SDAD1: variants seen among roughly 807,000 people sequenced by gnomAD.
SDAD1 encodes SDA1 domain containing 1, also known as protein SDA1 homolog.
In SDAD1, 79 loss-of-function variants were observed where a neutral mutation model predicts 100.3. The observed-to-expected ratio is 0.79, with a 90% CI of 0.66 to 0.95. The LOEUF (loss-of-function observed/expected upper bound fraction) is 0.95, where lower values mean the gene tolerates loss of function less well. Ranked by LOEUF, SDAD1 falls within the 40% of genes least tolerant of loss-of-function variation. The pLI is 0.00. For missense variants in SDAD1, 790 were observed against 810.9 expected (o/e 0.97, Z 0.31); for synonymous variants, 267 against 271.4 (o/e 0.98, Z 0.16).
intron 10 of SDAD1, 72 bp from the exon 11 acceptor site, chr4:75,969,471 G>C: frequency 4.1e-6 from 4 of 985,648 alleles, no homozygotes; most frequent in Non-Finnish European, 6.4e-6. Context: ...ACAGGCGTAG[G>C]AAAAGACAAT....
At chr4:75,971,320 A>C (rs995363822) in intron 9 of SDAD1, 37 bp downstream of exon 9, 10 of 1,370,462 alleles carry the variant, frequency 7.3e-6, no homozygotes, top group African/African-American at 1.4e-5. Flanking sequence ...TCTTCACTCT[A>C]ATCACTCCTA....
At chr4:75,965,294 G>A (rs1729474003) in intron 13 of SDAD1, among the ~76,000 whole-genome samples, 1 of 152,154 alleles carries the variant, frequency 6.6e-6, no homozygotes, top group Admixed American at 6.5e-5. Flanking sequence ...AATAAATTTT[G>A]GTCAGACTGG....
At position 75,951,264 on chromosome 4, in the gene SDAD1, T is replaced by C. The variant is rs551120446; in HGVS notation, c.2017-467A>G. Reference sequence around the variant, plus strand: ...GCATGTATGGATCACTCAAAGATTTTATAATGGCATTCAGCACTTGTGTAG... The same window carrying C: ...GCATGTATGGATCACTCAAAGATTTCATAATGGCATTCAGCACTTGTGTAG... On this transcript the variant is annotated intron_variant, in intron 21 of 21. Transcript: ENST00000356260. Among the ~76,000 whole-genome samples the C allele has an allele frequency of 3.9e-3, 599 of 152,336 alleles. 6 individuals are homozygous for C. Among genetic ancestry groups the C allele is most frequent in the Non-Finnish European group, 5.9e-3 (404 of 68,020 alleles).
intron 14 of SDAD1, among the ~76,000 whole-genome samples, chr4:75,962,334 T>A (rs187062578): frequency 8.5e-5 from 13 of 152,336 alleles, no homozygotes; most frequent in African/African-American, 2.6e-4. Context: ...GTCTTTGCTA[T>A]TGTGAATAGT....
Position 75,957,415 on chromosome 4 carries a change from G to A in SDAD1, c.1770-6C>T. ...GAAGAGAAAGTAATTCACCCCTGGG[G>A]TGAGGGAAAAATAACACATGAAACA... On this transcript the variant is annotated splice_polypyrimidine_tract_variant and splice_region_variant and intron_variant, in intron 19 of 21. Transcript: ENST00000356260. The A allele has an allele frequency of 1.2e-6, 2 of 1,613,814 alleles. No individual in the cohort carries two copies. Among genetic ancestry groups the A allele is most frequent in the Middle Eastern group, 1.6e-4 (1 of 6,062 alleles).
intron 1 of SDAD1, among the ~76,000 whole-genome samples, chr4:75,983,099 C>T (rs1730642923): frequency 1.2e-5 from 1 of 82,038 alleles, no homozygotes; most frequent in South Asian, 3.2e-4. Flanking sequence ...CAGCTTCATC[C>T]ATGTCCCTGC....
At chr4:75,967,128 C>A (rs1729591895) in intron 12 of SDAD1, 149 bp downstream of exon 12, 1 of 696,954 alleles carries the variant, frequency 1.4e-6, no homozygotes, top group South Asian at 2.1e-5. Context: ...AAACCCATAG[C>A]AAACTCTAGA....
intron 4 of SDAD1, among the ~76,000 whole-genome samples, chr4:75,976,847 T>C (rs1730185111): frequency 6.6e-6 from 1 of 152,238 alleles, no homozygotes; most frequent in Non-Finnish European, 1.5e-5. Flanking sequence ...GGACCACTTT[T>C]ATTCCACAAA....
At position 75,967,245 on chromosome 4, in the gene SDAD1, C is replaced by A. The variant is rs73825589; in HGVS notation, c.1045+32G>T. 5,333 of 1,603,668 alleles carry A rather than the reference C, an allele frequency of 3.3e-3. 154 individuals carry two copies. The African/African-American group carries it at 0.063, about 19-fold the overall frequency. The stretch of plus-strand genomic sequence containing the variant: ...TTGCATGTTTATTCTATTACCAAGG[C>A]CACCAAAGAAACATGGCAAGTGGCA... On this transcript the variant is annotated intron_variant, in intron 12 of 21. Coordinates refer to ENST00000356260, the MANE Select transcript of SDAD1 (RefSeq NM_018115.4).
intron 21 of SDAD1, among the ~76,000 whole-genome samples, chr4:75,954,944 T>C (rs959455185): frequency 2.6e-5 from 4 of 152,194 alleles, no homozygotes; most frequent in African/African-American, 9.7e-5. Flanking sequence ...TGTAGGTCTC[T>C]TCAAGAGTAA....
intron 1 of SDAD1, among the ~76,000 whole-genome samples, chr4:75,985,071 T>C (rs772043612): frequency 2.6e-4 from 40 of 152,112 alleles, no homozygotes; most frequent in Non-Finnish European, 4.0e-4. Context: ...CACAACTCTT[T>C]ATGCTACTGA....
chr4:75,955,839 A>C, intron 21 of SDAD1, 136 bp downstream of exon 21: 2 of 1,034,070 alleles, frequency 1.9e-6, no homozygotes, highest in Non-Finnish European at 1.4e-6. Flanking sequence ...GAACTCTCCA[A>C]CAATGCTCTC....
intron 3 of SDAD1, 104 bp downstream of exon 3, chr4:75,981,268 C>T (rs1368165396): frequency 1.2e-5 from 12 of 1,020,254 alleles, no homozygotes; most frequent in East Asian, 5.1e-5. Context: ...TTATAATTTA[C>T]GTTTTCTGAA....
At chr4:75,964,271 A>G in intron 13 of SDAD1, 60 bp from the exon 14 acceptor site, 1 of 1,075,856 alleles carries the variant, frequency 9.3e-7, no homozygotes, top group Non-Finnish European at 1.4e-6. Context: ...ACAAACACAT[A>G]AGAATGAAAG....
At chr4:75,964,326 G>C (rs1041643264) in intron 13 of SDAD1, 115 bp from the exon 14 acceptor site, 195 of 712,696 alleles carry the variant, frequency 2.7e-4, no homozygotes, top group Middle Eastern at 4.7e-4. Context: ...TCCACCTTCA[G>C]TTTAGGAATT....
At chr4:75,969,024 C>A (rs1332008368) in intron 11 of SDAD1, among the ~76,000 whole-genome samples, 1 of 84,732 alleles carries the variant, frequency 1.2e-5, no homozygotes, top group African/African-American at 4.7e-5. Flanking sequence ...GAGGGAGACT[C>A]TGTCTCAAAA....
intron 17 of SDAD1, 34 bp from the exon 18 acceptor site, chr4:75,957,975 T>C (rs772378617): frequency 1.3e-6 from 2 of 1,536,886 alleles, no homozygotes; most frequent in Non-Finnish European, 1.8e-6. Context: ...TACTGCCATT[T>C]TATGTTGCAC....
At chr4:75,956,392 G>A (rs568302867) in intron 20 of SDAD1, among the ~76,000 whole-genome samples, 1 of 134,458 alleles carries the variant, frequency 7.4e-6, no homozygotes, top group South Asian at 2.7e-4. Context: ...GAGACAGGTA[G>A]ACTGTTTTTT....
At chr4:75,955,346 C>A (rs1224533816) in intron 21 of SDAD1, among the ~76,000 whole-genome samples, 1 of 152,090 alleles carries the variant, frequency 6.6e-6, no homozygotes, top group East Asian at 1.9e-4. Context: ...AGGCGGTGAC[C>A]CCCCTGGACC....
Sources: gnomAD v4.1 joint callset for allele counts (sites outside exome capture counted in the v4.1 genomes callset) on GRCh38, gnomAD v4.1.1 for gene constraint, MANE v1.5 for transcripts, NCBI Gene and HGNC (gene_info 2026-07-23, HGNC 2026-07-21) for gene names.